The following LDLRAD4 variants were observed in gnomAD, a reference collection of about 807,000 sequenced individuals.
The protein encoded by LDLRAD4 is low-density lipoprotein receptor class A domain-containing protein 4.
A neutral mutation model predicts 17.0 loss-of-function variants in LDLRAD4; 5 were observed. That is an observed-to-expected ratio of 0.29 (90% CI 0.15 to 0.62). The LOEUF is 0.62. LDLRAD4 is among the 20% of genes least tolerant of loss of function. LDLRAD4 has a pLI of 0.84. For synonymous variants in LDLRAD4, 168 were observed against 171.8 expected, an observed-to-expected ratio of 0.98 and a Z score of 0.17; for missense variants, 340 against 424.7, an observed-to-expected ratio of 0.80 and a Z score of 1.75.
intron 3 of LDLRAD4, among the ~76,000 whole-genome samples, chr18:13,559,920 A>G (rs1648613): frequency 0.51 from 76,643 of 151,750 alleles, 19,957 homozygotes; most frequent in South Asian, 0.71. Context: ...CTGACCAAGA[A>G]GTGCCTATCT....
At position 13,383,500 on chromosome 18, in the gene LDLRAD4, G is replaced by C. The variant is rs894670111; in HGVS notation, c.-382-3841G>C. On this transcript the variant is annotated intron_variant, in intron 1 of 5. Transcript: ENST00000359446. ...TTGTTTGGGCTGAGACTGGAAAGCT[G>C]AGTGGCAGCTCATGAGCAGGAGGCT... Among the ~76,000 whole-genome samples the C allele has an allele frequency of 2.6e-5, 4 of 152,224 alleles. No individual in the cohort carries two copies. The East Asian group carries it at 7.7e-4, about 29-fold the overall frequency.
At chr18:13,596,690 G>A (rs2095100082) in intron 3 of LDLRAD4, among the ~76,000 whole-genome samples, 1 of 152,098 alleles carries the variant, frequency 6.6e-6, no homozygotes, top group Non-Finnish European at 1.5e-5. Flanking sequence ...TAATTTGAAA[G>A]AAGAGATGAG....
chr18:13,358,154 T>C (rs1055844783), intron 1 of LDLRAD4, among the ~76,000 whole-genome samples: 1 of 152,150 alleles, frequency 6.6e-6, no homozygotes, highest in African/African-American at 2.4e-5. Context: ...TTTTTTATAA[T>C]GATAAGTTGC....
At chr18:13,640,832 G>A (rs550692340) in intron 4 of LDLRAD4, among the ~76,000 whole-genome samples, 1 of 152,312 alleles carries the variant, frequency 6.6e-6, no homozygotes, top group South Asian at 2.1e-4. Flanking sequence ...AATGAGAGAG[G>A]GAACGGAGAA....
chr18:13,429,133 G>A (rs976847170), intron 2 of LDLRAD4, among the ~76,000 whole-genome samples: 1 of 152,136 alleles, frequency 6.6e-6, no homozygotes, highest in Non-Finnish European at 1.5e-5. Flanking sequence ...TGTGCGTCGG[G>A]ACATGGGAAG....
At chr18:13,625,426 G>A (rs1048580740) in intron 4 of LDLRAD4, among the ~76,000 whole-genome samples, 1 of 152,144 alleles carries the variant, frequency 6.6e-6, no homozygotes, top group Non-Finnish European at 1.5e-5. Flanking sequence ...GAAGCTTCCC[G>A]CCCTGCTATG....
chr18:13,465,170 G>A (rs966671082), intron 3 of LDLRAD4: 5 of 152,186 alleles, frequency 3.3e-5, no homozygotes, highest in African/African-American at 4.8e-5. Context: ...CATAACATCT[G>A]GCTTTTAAAA....
chr18:13,252,457 G>A (rs563921556), intron 1 of LDLRAD4, among the ~76,000 whole-genome samples: 1 of 152,348 alleles, frequency 6.6e-6, no homozygotes, highest in South Asian at 2.1e-4. Flanking sequence ...TGCACACTTG[G>A]CCAGGTGTAC....
chr18:13,292,988 G>C (rs1354045413), intron 1 of LDLRAD4, among the ~76,000 whole-genome samples: 1 of 152,230 alleles, frequency 6.6e-6, no homozygotes, highest in East Asian at 1.9e-4. Flanking sequence ...CTGGAGGCAG[G>C]CGAGCTTTGG....
intron 3 of LDLRAD4, among the ~76,000 whole-genome samples, chr18:13,470,422 C>T (rs2146734824): frequency 6.6e-6 from 1 of 151,726 alleles, no homozygotes; most frequent in East Asian, 1.9e-4. Flanking sequence ...GATTCTCATC[C>T]TTCCGCCGGC....
intron 1 of LDLRAD4, among the ~76,000 whole-genome samples, chr18:13,336,888 T>G (rs1310975716): frequency 6.6e-6 from 1 of 152,202 alleles, no homozygotes; most frequent in African/African-American, 2.4e-5. Flanking sequence ...ACTAGCAACA[T>G]TCTAGGGAGT....
chr18:13,519,255 C>T (rs1249743333), intron 3 of LDLRAD4, among the ~76,000 whole-genome samples: 1 of 152,182 alleles, frequency 6.6e-6, no homozygotes, highest in Admixed American at 6.5e-5. Context: ...CTCTGGGGAT[C>T]TCACTCACTG....
intron 3 of LDLRAD4, among the ~76,000 whole-genome samples, chr18:13,595,613 T>C (rs770507507): frequency 3.3e-5 from 5 of 152,202 alleles, no homozygotes; most frequent in Non-Finnish European, 5.9e-5. Flanking sequence ...CCCCCTAAAG[T>C]GCTGAGATTA....
intron 1 of LDLRAD4, among the ~76,000 whole-genome samples, chr18:13,252,381 G>A (rs1459759145): frequency 2.6e-5 from 4 of 152,086 alleles, no homozygotes; most frequent in Non-Finnish European, 5.9e-5. Flanking sequence ...CACCCACCTC[G>A]TCCTCCCAAA....
At chr18:13,631,280 A>C (rs1368028021) in intron 4 of LDLRAD4, among the ~76,000 whole-genome samples, 1 of 152,260 alleles carries the variant, frequency 6.6e-6, no homozygotes, top group Non-Finnish European at 1.5e-5. Context: ...AAATGAAAAG[A>C]TATTAGAAAC....
intron 3 of LDLRAD4, among the ~76,000 whole-genome samples, chr18:13,547,096 G>A (rs950675908): frequency 6.6e-6 from 1 of 152,240 alleles, no homozygotes; most frequent in Non-Finnish European, 1.5e-5. Context: ...TCTTGTGCCA[G>A]TGAGAATTGT....
chr18:13,649,243 G>C (rs1568461045), exon 6 of LDLRAD4: 1 of 152,216 alleles, frequency 6.6e-6, no homozygotes, highest in South Asian at 2.1e-4. Flanking sequence ...GAACTTCTGC[G>C]TATCTCCGTT....
At chr18:13,516,375 G>T (rs1422055169) in intron 3 of LDLRAD4, among the ~76,000 whole-genome samples, 1 of 152,136 alleles carries the variant, frequency 6.6e-6, no homozygotes, top group South Asian at 2.1e-4. Flanking sequence ...GGAAGTTCTA[G>T]CCCTGTGCAG....
intron 2 of LDLRAD4, among the ~76,000 whole-genome samples, chr18:13,432,230 G>A (rs1162969374): frequency 6.6e-6 from 1 of 152,178 alleles, no homozygotes; most frequent in African/African-American, 2.4e-5. Flanking sequence ...ATCGCCCTAA[G>A]GATCGACTTT....
Sources: gnomAD v4.1 joint callset for allele counts (sites outside exome capture counted in the v4.1 genomes callset) on GRCh38, gnomAD v4.1.1 for gene constraint, MANE v1.5 for transcripts, NCBI Gene and HGNC (gene_info 2026-07-23, HGNC 2026-07-21) for gene names.